The following RASAL2 variants were observed in gnomAD, a reference collection of about 807,000 sequenced individuals.
RASAL2 encodes the protein ras GTPase-activating protein nGAP.
In RASAL2, 58 loss-of-function variants were observed where a neutral mutation model predicts 128.9. That is an observed-to-expected ratio of 0.45 (90% CI 0.36 to 0.56). The LOEUF (loss-of-function observed/expected upper bound fraction) is 0.56, where lower values mean the gene tolerates loss of function less well. RASAL2 is among the 20% of genes least tolerant of loss of function. RASAL2 has a pLI of 0.00. For missense variants in RASAL2, 1,360 were observed against 1,601.6 expected (o/e 0.85, Z 2.57); for synonymous variants, 561 against 580.8 (o/e 0.97, Z 0.49).
intron 3 of RASAL2, among the ~76,000 whole-genome samples, chr1:178,337,315 G>T (rs1669635953): frequency 6.6e-6 from 1 of 152,158 alleles, no homozygotes; most frequent in Admixed American, 6.6e-5. Flanking sequence ...GTGTATCTGT[G>T]TATTGTGCTG....
chr1:178,094,259 G>A lies in RASAL2; in HGVS notation c.-234G>A, dbSNP rs568732334. ...CGGACCCACCCTTGGTCGGGGCCAC[G>A]CTGGATCCTCCTCCCGGCCTGGGTC... On this transcript the variant is annotated 5_prime_UTR_variant, in exon 1 of 18. Transcript: ENST00000367649. The A allele has an allele frequency of 3.3e-4, 176 of 531,348 alleles. 1 individual carries two copies. The highest frequency in any genetic ancestry group is 3.1e-3 in the African/African-American group (154 of 48,900). The allele number at this position is 531,348 out of a possible 1,614,324, so 32.9% of individuals were successfully genotyped here. A position where few individuals can be genotyped will look rare whatever the true frequency, so the allele number is the denominator to read the frequency against.
chr1:178,455,641 G>A (rs551738334), intron 12 of RASAL2, among the ~76,000 whole-genome samples: 3 of 152,300 alleles, frequency 2.0e-5, no homozygotes, highest in African/African-American at 7.2e-5. Context: ...AGATTTTTAA[G>A]TTGCAGCTAT....
At chr1:178,148,440 A>G (rs1660802786) in intron 1 of RASAL2, among the ~76,000 whole-genome samples, 1 of 151,312 alleles carries the variant, frequency 6.6e-6, no homozygotes, top group Admixed American at 6.6e-5. Context: ...ATTCTTATTT[A>G]TTTATTTATT....
intron 1 of RASAL2, among the ~76,000 whole-genome samples, chr1:178,102,580 AT>A (rs1266037985): frequency 1.3e-5 from 2 of 151,948 alleles, no homozygotes; most frequent in African/African-American, 4.8e-5. Context: ...TTGTGTACAG[AT>A]TTTTTTGTAT....
At chr1:178,243,993 C>T (rs1360940958) in intron 1 of RASAL2, among the ~76,000 whole-genome samples, 1 of 152,186 alleles carries the variant, frequency 6.6e-6, no homozygotes, top group Non-Finnish European at 1.5e-5. Flanking sequence ...TATAACTCTT[C>T]TATTCCTCAC....
At chr1:178,194,578 T>C (rs1354380371) in intron 1 of RASAL2, 1 of 153,972 alleles carries the variant, frequency 6.5e-6, no homozygotes, top group Non-Finnish European at 1.5e-5. Context: ...TGTTTTCTTT[T>C]TGTTTTTTTG....
At chr1:178,179,491 TAGAG>T (rs1662014427) in intron 1 of RASAL2, among the ~76,000 whole-genome samples, 1 of 151,846 alleles carries the variant, frequency 6.6e-6, no homozygotes, top group East Asian at 1.9e-4. Context: ...GTAGAGGAGA[TAGAG>T]AGGGTAAGAG....
chr1:178,190,071 A>T (rs912843998), intron 1 of RASAL2, among the ~76,000 whole-genome samples: 26 of 143,402 alleles, frequency 1.8e-4, no homozygotes, highest in African/African-American at 7.8e-4. Context: ...AGTTCACAGG[A>T]CAGCTTTCCT....
Position 178,214,270 on chromosome 1 carries a change from AGAATGAATGAAT to A in RASAL2, c.203-69280_203-69269del, listed in dbSNP as rs527500791. ...GCCTGGATGACTGAGTGAGAACCTT[AGAATGAATGAAT>A]GAATGAATGAATGGATGAATAAATA... On this transcript the variant is annotated intron_variant, in intron 1 of 17. Transcript: ENST00000367649. Among the ~76,000 whole-genome samples the A allele has an allele frequency of 3.3e-5, 5 of 152,156 alleles. No individual in the cohort carries two copies. The East Asian group carries it at 5.8e-4, about 18-fold the overall frequency.
At chr1:178,137,263 A>G (rs370757476) in intron 1 of RASAL2, among the ~76,000 whole-genome samples, 6 of 152,162 alleles carry the variant, frequency 3.9e-5, no homozygotes, top group African/African-American at 1.4e-4. Context: ...ATGTAGATCT[A>G]TGATTCTTCT....
chr1:178,369,362 C>T (rs566242904), intron 3 of RASAL2, among the ~76,000 whole-genome samples: 2 of 152,170 alleles, frequency 1.3e-5, no homozygotes, highest in East Asian at 3.9e-4. Context: ...GCTGGGATTA[C>T]AGGCGTGCAC....
At chr1:178,276,020 C>T (rs1666495195) in intron 1 of RASAL2, among the ~76,000 whole-genome samples, 1 of 152,160 alleles carries the variant, frequency 6.6e-6, no homozygotes, top group Non-Finnish European at 1.5e-5. Context: ...TCCATGAAGG[C>T]AACCATTTCT....
intron 4 of RASAL2, among the ~76,000 whole-genome samples, chr1:178,401,274 C>T (rs1286443880): frequency 1.3e-5 from 2 of 152,160 alleles, no homozygotes; most frequent in Non-Finnish European, 2.9e-5. Context: ...AATTAATCAA[C>T]ATTGTGTACT....
rs1317312103 is a variant in RASAL2, at chr1:178,476,470, A to G, written c.*3231A>G. On this transcript the variant is annotated 3_prime_UTR_variant, in exon 18 of 18. Coordinates refer to ENST00000367649, the MANE Select transcript of RASAL2 (RefSeq NM_170692.4). Reference sequence around the variant, plus strand: ...GAGCACTTACCATGTTCCAAGCACTATCACCAAGGTACTGTTGGGGTTTAT... The same window carrying G: ...GAGCACTTACCATGTTCCAAGCACTGTCACCAAGGTACTGTTGGGGTTTAT... The G allele has an allele frequency of 7.9e-5, 12 of 152,234 alleles. No individual in the cohort carries two copies. The highest frequency in any genetic ancestry group is 7.9e-4 in the Admixed American group (12 of 15,286). 9.4% of individuals were successfully genotyped at this position (152,234 alleles called of 1,614,324 possible). A position where few individuals can be genotyped will look rare whatever the true frequency, so the allele number is the denominator to read the frequency against.
chr1:178,283,899 A>G (rs1666903493), intron 2 of RASAL2, among the ~76,000 whole-genome samples: 2 of 152,184 alleles, frequency 1.3e-5, no homozygotes, highest in South Asian at 4.1e-4. Flanking sequence ...GATTTTCACT[A>G]AGAAACAATG....
intron 1 of RASAL2, among the ~76,000 whole-genome samples, chr1:178,096,723 C>A (rs1459359044): frequency 2.0e-4 from 31 of 151,930 alleles, no homozygotes; most frequent in Admixed American, 2.0e-3. Flanking sequence ...TGCAGACTTA[C>A]CACTGCATTG....
intron 2 of RASAL2, among the ~76,000 whole-genome samples, chr1:178,297,068 A>G (rs1667548633): frequency 6.6e-6 from 1 of 151,922 alleles, no homozygotes; most frequent in Non-Finnish European, 1.5e-5. Flanking sequence ...AAGAAAATTT[A>G]CTCTCATGTT....
intron 4 of RASAL2, among the ~76,000 whole-genome samples, chr1:178,398,667 C>G (rs1055759113): frequency 1.3e-5 from 2 of 152,098 alleles, no homozygotes; most frequent in Admixed American, 1.3e-4. Context: ...ACTCAGCTTC[C>G]CCCAAACTGT....
chr1:178,323,190 G>T (rs1668877153), intron 3 of RASAL2, among the ~76,000 whole-genome samples: 1 of 152,080 alleles, frequency 6.6e-6, no homozygotes, highest in African/African-American at 2.4e-5. Flanking sequence ...TAAGTTGTTG[G>T]TATGTGTCAT....
Sources: allele counts gnomAD v4.1 joint callset (sites outside exome capture counted in the v4.1 genomes callset), GRCh38; gene constraint gnomAD v4.1.1; transcripts MANE v1.5; gene names NCBI Gene and HGNC (gene_info 2026-07-23, HGNC 2026-07-21).